Variants in CSRNP3 observed in about 807,000 individuals in gnomAD.
CSRNP3 encodes the protein cysteine and serine rich nuclear protein 3, also known as cysteine/serine-rich nuclear protein 3.
CSRNP3 carries 12 observed loss-of-function variants against 48.0 expected under a neutral mutation model. The observed-to-expected ratio is 0.25, with a 90% CI of 0.16 to 0.41. The LOEUF is 0.41. CSRNP3 is among the 10% of genes least tolerant of loss of function. The probability of loss-of-function intolerance (pLI) is 1.00; values close to 1 mark genes in which losing one functional copy is unlikely to be tolerated. For missense variants in CSRNP3, 580 were observed against 724.4 expected (o/e 0.80, Z 2.29); for synonymous variants, 263 against 269.7 (o/e 0.98, Z 0.24).
chr2:165,613,914 G>GT (rs760130577), intron 4 of CSRNP3, among the ~76,000 whole-genome samples: 2,085 of 145,624 alleles, frequency 0.014, 25 homozygotes, highest in African/African-American at 0.033. Flanking sequence ...CTTTTAGAGT[G>GT]TTTTTTTTTT....
intron 3 of CSRNP3, among the ~76,000 whole-genome samples, chr2:165,538,257 T>A (rs1684906992): frequency 1.3e-5 from 2 of 151,970 alleles, no homozygotes; most frequent in Non-Finnish European, 2.9e-5. Flanking sequence ...TTCCTTTTAT[T>A]ATTATTAATT....
intron 3 of CSRNP3, among the ~76,000 whole-genome samples, chr2:165,592,553 A>C (rs187209708): frequency 6.6e-6 from 1 of 152,022 alleles, no homozygotes; most frequent in Non-Finnish European, 1.5e-5. Flanking sequence ...CATAATCCCC[A>C]CATGACATGG....
At chr2:165,484,388 C>G (rs986516971) in intron 1 of CSRNP3, among the ~76,000 whole-genome samples, 3 of 152,174 alleles carry the variant, frequency 2.0e-5, no homozygotes, top group Non-Finnish European at 4.4e-5. Flanking sequence ...ATTTTAAAAA[C>G]CTAATAAGGT....
chr2:165,483,275 C>T (rs1684071976), intron 1 of CSRNP3, among the ~76,000 whole-genome samples: 1 of 151,968 alleles, frequency 6.6e-6, no homozygotes, highest in South Asian at 2.1e-4. Context: ...AAGCTCTAAA[C>T]CATCTGATTT....
chr2:165,563,070 A>T (rs948522203), intron 3 of CSRNP3, among the ~76,000 whole-genome samples: 1 of 152,184 alleles, frequency 6.6e-6, no homozygotes, highest in African/African-American at 2.4e-5. Flanking sequence ...TCCTATTTGT[A>T]GCCAAAGATT....
intron 2 of CSRNP3, among the ~76,000 whole-genome samples, chr2:165,497,798 A>G (rs1684303465): frequency 6.6e-6 from 1 of 152,010 alleles, no homozygotes; most frequent in African/African-American, 2.4e-5. Flanking sequence ...CCTAGAGTCT[A>G]CCTCTCTACC....
chr2:165,618,470 A>G (rs1015069168), intron 4 of CSRNP3, among the ~76,000 whole-genome samples: 6 of 152,246 alleles, frequency 3.9e-5, no homozygotes, highest in African/African-American at 1.4e-4. Flanking sequence ...GCTAATACAG[A>G]CTACCCAAAT....
chr2:165,497,101 A>G (rs1266893619), intron 2 of CSRNP3, among the ~76,000 whole-genome samples: 1 of 151,892 alleles, frequency 6.6e-6, no homozygotes, highest in Non-Finnish European at 1.5e-5. Context: ...TATAGTGGAG[A>G]GTGGTTTTAT....
chr2:165,603,604 T>A (rs527241274), intron 4 of CSRNP3, among the ~76,000 whole-genome samples: 1 of 152,284 alleles, frequency 6.6e-6, no homozygotes, highest in South Asian at 2.1e-4. Flanking sequence ...TAAGTTTCCA[T>A]GCCACACCAA....
intron 5 of CSRNP3, among the ~76,000 whole-genome samples, chr2:165,661,866 C>G (rs1174446747): frequency 6.6e-6 from 1 of 152,110 alleles, no homozygotes; most frequent in African/African-American, 2.4e-5. Context: ...TGTAGTACAC[C>G]ATGGGAAACT....
intron 2 of CSRNP3, among the ~76,000 whole-genome samples, chr2:165,497,158 C>G (rs1311139143): frequency 6.6e-6 from 1 of 151,992 alleles, no homozygotes; most frequent in Non-Finnish European, 1.5e-5. Context: ...TCCACTCCAC[C>G]ACCATTACTC....
intron 3 of CSRNP3, among the ~76,000 whole-genome samples, chr2:165,568,056 C>A (rs1300758700): frequency 6.6e-6 from 1 of 151,996 alleles, no homozygotes; most frequent in African/African-American, 2.4e-5. Context: ...GATCAGAGAC[C>A]AGTTTATCTA....
Position 165,666,392 on chromosome 2 carries a change from A to AGG in CSRNP3, c.408+8372_408+8373insGG, listed in dbSNP as rs1491477406. 3.1e-4 allele frequency among the ~76,000 whole-genome samples: 11 copies of AGG among 35,200 alleles called. 2 individuals are homozygous for AGG. The highest frequency in any genetic ancestry group is 2.7e-4 in the Non-Finnish European group (4 of 14,596). 23.1% of individuals were successfully genotyped at this position (35,200 alleles called of 152,430 possible). Reference sequence around the variant, plus strand: ...GAGAGAGGAAGAAAGAGAGAGAGAGAAAGGAAGGAAGGGAGGAAAGAGAGA... The same window carrying AGG: ...GAGAGAGGAAGAAAGAGAGAGAGAGAGGAAGGAAGGAAGGGAGGAAAGAGAGA... On this transcript the variant is annotated intron_variant, in intron 5 of 6. Transcript: ENST00000651982.
Position 165,679,205 on chromosome 2 carries a change from G to A in CSRNP3, c.1210G>A (p.Val404Ile). The A allele has an allele frequency of 6.2e-7, 1 of 1,613,962 alleles. No homozygotes were observed. Among genetic ancestry groups the A allele is most frequent in the Non-Finnish European group, 8.5e-7 (1 of 1,179,994 alleles). The change falls in exon 7 of 7, where the codon GTC (valine) becomes ATC (isoleucine). Residue 404 changes from valine to isoleucine, a missense_variant. Val to Ile is a conservative substitution (Grantham distance 29). Transcript: ENST00000651982. ...AGGTTTGGGCACCCATGCCGAAGTT[G>A]TCCCTCTTCCTTCAGTTCTTTGTTA... ...VEGLGTHAEV[V>I]PLPSVLCYSD... is the part of the protein sequence containing the mutation.
intron 4 of CSRNP3, among the ~76,000 whole-genome samples, chr2:165,642,247 T>C (rs1302228140): frequency 6.6e-6 from 1 of 152,158 alleles, no homozygotes; most frequent in African/African-American, 2.4e-5. Context: ...CAAAGAGCTT[T>C]ATACTGATTC....
At chr2:165,568,429 A>G (rs1685325015) in intron 3 of CSRNP3, among the ~76,000 whole-genome samples, 1 of 152,090 alleles carries the variant, frequency 6.6e-6, no homozygotes, top group Non-Finnish European at 1.5e-5. Flanking sequence ...CTCTTATTAT[A>G]GTTAGTAAAG....
chr2:165,609,388 G>A (rs1317886509), intron 4 of CSRNP3, among the ~76,000 whole-genome samples: 1 of 146,912 alleles, frequency 6.8e-6, no homozygotes, highest in Non-Finnish European at 1.5e-5. Context: ...GAACTCGGGA[G>A]ATGGAGCTGG....
At chr2:165,532,587 AC>A (rs1684828536) in intron 3 of CSRNP3, among the ~76,000 whole-genome samples, 1 of 151,772 alleles carries the variant, frequency 6.6e-6, no homozygotes, top group Non-Finnish European at 1.5e-5. Context: ...TCTATGACAA[AC>A]CCACAGCCAA....
chr2:165,601,672 C>G (rs1482454182), intron 4 of CSRNP3, among the ~76,000 whole-genome samples: 1 of 151,626 alleles, frequency 6.6e-6, no homozygotes, highest in African/African-American at 2.4e-5. Context: ...TTGTCTCCCT[C>G]CCTCCCTTCT....
Sources: gnomAD v4.1 joint callset for allele counts (sites outside exome capture counted in the v4.1 genomes callset) on GRCh38, gnomAD v4.1.1 for gene constraint, MANE v1.5 for transcripts, NCBI Gene and HGNC (gene_info 2026-07-23, HGNC 2026-07-21) for gene names.